The following PCDHGA5 variants were observed in gnomAD, a reference collection of about 807,000 sequenced individuals.
The protein encoded by PCDHGA5 is protocadherin gamma subfamily A, 5.
In PCDHGA5, 36 loss-of-function variants were observed where a neutral mutation model predicts 56.7. The ratio of observed to expected loss-of-function variants is 0.64; its 90% CI spans 0.49 to 0.84. The LOEUF is 0.84. Among genes scored for constraint, PCDHGA5 ranks in the 40% least tolerant of loss-of-function variants. The pLI is 0.00. For synonymous variants in PCDHGA5, 563 were observed against 520.2 expected (o/e 1.08, Z -1.12); for missense variants, 1,305 against 1,201.5 (o/e 1.09, Z -1.27).
rs559544645 is a variant in PCDHGA5, at chr5:141,405,144, G to C, written c.2421+38393G>C. ...CATCTGCTGCGGGCTACCAGTGATGGGTTGGCTGGTGTGCCCACCTCACAC... is the reference window on the plus strand; with the variant it reads ...CATCTGCTGCGGGCTACCAGTGATGCGTTGGCTGGTGTGCCCACCTCACAC... On this transcript the variant is annotated intron_variant, in intron 1 of 3. Coordinates refer to ENST00000518069, the MANE Select transcript of PCDHGA5 (RefSeq NM_018918.3). 1.1e-4 allele frequency: 184 copies of C among 1,614,070 alleles called. 1 individual carries two copies. The South Asian group carries it at 1.9e-3, about 17-fold the overall frequency.
At chr5:141,390,867 CGTGTGTGTGT>C (rs61319619) in intron 1 of PCDHGA5, 1 of 151,040 alleles carries the variant, frequency 6.6e-6, no homozygotes, top group African/African-American at 2.5e-5. Context: ...GCTGTGTGTG[CGTGTGTGTGT>C]GTGTGTGTGT....
chr5:141,478,851 C>T, intron 1 of PCDHGA5: 1 of 1,374,810 alleles, frequency 7.3e-7, no homozygotes, highest in Non-Finnish European at 9.6e-7. Context: ...AGCTAAAACA[C>T]AAGATCTCAG....
chr5:141,418,998 G>A (rs757681244), intron 1 of PCDHGA5: 4 of 1,613,940 alleles, frequency 2.5e-6, no homozygotes, highest in South Asian at 2.2e-5. Context: ...GGGGAAAATG[G>A]GGAAGTCAGG....
At chr5:141,508,434 G>A (rs2099868795) in intron 3 of PCDHGA5, among the ~76,000 whole-genome samples, 1 of 152,160 alleles carries the variant, frequency 6.6e-6, no homozygotes, top group Admixed American at 6.5e-5. Flanking sequence ...AGCTCACACA[G>A]TTCCTTAGTG....
At position 141,406,382 on chromosome 5, in the gene PCDHGA5, G is replaced by A. The variant is rs189693155; in HGVS notation, c.2421+39631G>A. Reference sequence around the variant, plus strand: ...TTTGTAAGGGTAAACTGATAAAAAGGTAAATGTATTCTTCTTAGAGAAACA... The same window carrying A: ...TTTGTAAGGGTAAACTGATAAAAAGATAAATGTATTCTTCTTAGAGAAACA... On this transcript the variant is annotated intron_variant, in intron 1 of 3. Transcript: ENST00000518069. Among the ~76,000 whole-genome samples, 63 of 152,232 alleles carry A rather than the reference G, an allele frequency of 4.1e-4. 1 individual carries two copies. Among genetic ancestry groups the A allele is most frequent in the African/African-American group, 1.4e-3 (60 of 41,554 alleles).
intron 2 of PCDHGA5, among the ~76,000 whole-genome samples, chr5:141,502,857 ACT>A (rs1332453483): frequency 7.7e-5 from 7 of 91,446 alleles, no homozygotes; most frequent in African/African-American, 4.1e-4. Flanking sequence ...CCTAACCCTG[ACT>A]CTCTGTCTTT....
Position 141,487,925 on chromosome 5 carries a change from C to T in PCDHGA5, c.2422-6882C>T. 4.8e-6 allele frequency: 3 copies of T among 629,734 alleles called. No homozygotes were observed. The highest frequency in any genetic ancestry group is 8.3e-6 in the Non-Finnish European group (3 of 362,440). 39.0% of individuals were successfully genotyped at this position (629,734 alleles called of 1,614,324 possible). On this transcript the variant is annotated intron_variant, in intron 1 of 3. Coordinates refer to ENST00000518069, the MANE Select transcript of PCDHGA5 (RefSeq NM_018918.3). The surrounding 1 kb of genome is among the most constrained non-coding windows in gnomAD (Gnocchi z 5.0). ...TGTGGGAGCACAGGAGGCTACAGTGCACAGGGTACAGTGCACCAGGCAGTC... is the reference window on the plus strand; with the variant it reads ...TGTGGGAGCACAGGAGGCTACAGTGTACAGGGTACAGTGCACCAGGCAGTC...
At chr5:141,400,547 C>A (rs534226736) in intron 1 of PCDHGA5, 12 of 1,613,676 alleles carry the variant, frequency 7.4e-6, no homozygotes, top group African/African-American at 2.7e-5. Flanking sequence ...TATGTCTATT[C>A]TTTTTCATTA....
At position 141,489,760 on chromosome 5, in the gene PCDHGA5, C is replaced by A; in HGVS notation, c.2422-5047C>A. 1 of 1,614,086 alleles carries A rather than the reference C, an allele frequency of 6.2e-7. No individual in the cohort carries two copies. Among genetic ancestry groups the A allele is most frequent in the Non-Finnish European group, 8.5e-7 (1 of 1,179,970 alleles). On this transcript the variant is annotated intron_variant, in intron 1 of 3. Coordinates refer to ENST00000518069, the MANE Select transcript of PCDHGA5 (RefSeq NM_018918.3). This position sits in a 1 kb window ranked among gnomAD's most constrained non-coding sequence, Gnocchi z 4.5. ...TACTGTGAGCTTTTACACTCTAAGC[C>A]CCAACAGCCACTTCTCTCTGAATGT...
chr5:141,492,471 C>T (rs937691695), intron 1 of PCDHGA5, among the ~76,000 whole-genome samples: 8 of 152,240 alleles, frequency 5.3e-5, no homozygotes, highest in Non-Finnish European at 1.0e-4. Flanking sequence ...GGTCCCAGAT[C>T]GCGGCCGCCC....
chr5:141,400,245 C>T (rs778709619), intron 1 of PCDHGA5: 66 of 1,613,878 alleles, frequency 4.1e-5, no homozygotes, highest in African/African-American at 4.0e-5. Context: ...TGATTCTGGC[C>T]GTTGCCTTGC....
chr5:141,406,555 A>G (rs2094824314), intron 1 of PCDHGA5, among the ~76,000 whole-genome samples: 1 of 152,224 alleles, frequency 6.6e-6, no homozygotes. Context: ...TCAGTTATCC[A>G]CTTCCAAACC....
intron 1 of PCDHGA5, among the ~76,000 whole-genome samples, chr5:141,368,668 C>T (rs1198992123): frequency 1.3e-5 from 2 of 152,072 alleles, no homozygotes; most frequent in East Asian, 3.9e-4. Flanking sequence ...TCTTTAAACC[C>T]TCTATAAACT....
intron 1 of PCDHGA5, chr5:141,422,637 C>T (rs980166515): frequency 8.7e-5 from 141 of 1,612,568 alleles, no homozygotes; most frequent in Non-Finnish European, 1.2e-4. Flanking sequence ...CCAGGGGTGC[C>T]TCCATCTTCT....
intron 2 of PCDHGA5, among the ~76,000 whole-genome samples, chr5:141,502,337 T>C (rs1562205634): frequency 6.6e-6 from 1 of 152,184 alleles, no homozygotes; most frequent in Admixed American, 6.5e-5. Flanking sequence ...CCCAGTCTTT[T>C]TATTTTTTTA....
chr5:141,453,680 A>G (rs1466590010), intron 1 of PCDHGA5, among the ~76,000 whole-genome samples: 1 of 152,220 alleles, frequency 6.6e-6, no homozygotes, highest in Non-Finnish European at 1.5e-5. Context: ...GTAACACACT[A>G]TGTAGGTAGT....
At chr5:141,428,286 A>G in intron 1 of PCDHGA5, 1 of 730,462 alleles carries the variant, frequency 1.4e-6, no homozygotes, top group Non-Finnish European at 2.4e-6. Flanking sequence ...ATTCCCAAGC[A>G]AAGCTGCAGA....
At chr5:141,422,588 C>A in intron 1 of PCDHGA5, 1 of 1,614,056 alleles carries the variant, frequency 6.2e-7, no homozygotes, top group South Asian at 1.1e-5. Flanking sequence ...CCCGTTTTTC[C>A]TCACTCCTCT....
Position 141,485,400 on chromosome 5 carries a change from G to A in PCDHGA5, c.2422-9407G>A. On this transcript the variant is annotated intron_variant, in intron 1 of 3. Transcript: ENST00000518069. The surrounding 1 kb of genome is among the most constrained non-coding windows in gnomAD (Gnocchi z 5.7). ...GGAGAGGTGAACCAAAGACACTTCC[G>A]TGTGGATTTGGACAGCGGAGCCCTG... is the stretch of plus-strand genomic sequence containing the variant. The A allele has an allele frequency of 6.2e-7, 1 of 1,614,076 alleles. No homozygotes were observed. The highest frequency in any genetic ancestry group is 8.5e-7 in the Non-Finnish European group (1 of 1,179,948).
Sources: gnomAD v4.1 joint callset for allele counts (sites outside exome capture counted in the v4.1 genomes callset) on GRCh38, gnomAD v4.1.1 for gene constraint, Gnocchi (gnomAD v3.1) non-coding constraint, MANE v1.5 for transcripts, NCBI Gene and HGNC (gene_info 2026-07-23, HGNC 2026-07-21) for gene names.